SAP30L: variants seen among roughly 807,000 people sequenced by gnomAD.
The protein encoded by SAP30L is histone deacetylase complex subunit SAP30L.
In SAP30L, 10 loss-of-function variants were observed where a neutral mutation model predicts 22.3. The ratio of observed to expected loss-of-function variants is 0.45; its 90% CI spans 0.28 to 0.76. The LOEUF (loss-of-function observed/expected upper bound fraction) is 0.76. Among genes scored for constraint, SAP30L ranks in the 30% least tolerant of loss-of-function variants. The pLI is 0.14. For missense variants in SAP30L, 206 were observed against 237.9 expected (o/e 0.87, Z 0.88); for synonymous variants, 91 against 94.1 (o/e 0.97, Z 0.19).
intron 3 of SAP30L, among the ~76,000 whole-genome samples, chr5:154,454,652 A>T (rs189910404): frequency 1.3e-5 from 2 of 152,304 alleles, no homozygotes; most frequent in East Asian, 3.9e-4. Flanking sequence ...TGTCCAGATG[A>T]CACACAGGAG....
At position 154,457,535 on chromosome 5, in the gene SAP30L, A is replaced by G. The variant is rs1379975782; in HGVS notation, c.*1507A>G. 6.6e-6 allele frequency: 1 copy of G among 152,210 alleles called. No homozygotes were observed. The highest frequency in any genetic ancestry group is 1.5e-5 in the Non-Finnish European group (1 of 68,042). 9.4% of individuals were successfully genotyped at this position (152,210 alleles called of 1,614,324 possible). On this transcript the variant is annotated 3_prime_UTR_variant, in exon 4 of 4. Coordinates refer to ENST00000297109, the MANE Select transcript of SAP30L (RefSeq NM_024632.6). ...CAGAGAAGTCAGGACTAAACCCCCT[A>G]CTGAGCAGGGCGGCGGAGTGTCCAA...
In SAP30L at chr5:154,456,955, A is replaced by C. The variant is rs1203859683; in HGVS notation, c.*927A>C. 1 of 152,200 alleles carries C rather than the reference A, an allele frequency of 6.6e-6. No homozygotes were observed. The highest frequency in any genetic ancestry group is 1.5e-5 in the Non-Finnish European group (1 of 68,036). 9.4% of individuals were successfully genotyped at this position (152,200 alleles called of 1,614,324 possible). On this transcript the variant is annotated 3_prime_UTR_variant, in exon 4 of 4. Transcript: ENST00000297109. ...AAGTATTTTTAGAAGTTTTCATCCTAAGTTCACAACCACCATGCAAGCTGC... is the reference window on the plus strand; with the variant it reads ...AAGTATTTTTAGAAGTTTTCATCCTCAGTTCACAACCACCATGCAAGCTGC...
rs1338536846 is a variant in SAP30L at position 154,456,589 on chromosome 5, CT to C, written c.*562del. The C allele has an allele frequency of 6.5e-6, 1 of 152,678 alleles. No homozygotes were observed. Among genetic ancestry groups the C allele is most frequent in the African/African-American group, 2.4e-5 (1 of 41,456 alleles). 9.5% of individuals were successfully genotyped at this position (152,678 alleles called of 1,614,324 possible). ...AATCAGTAGGTATTGGCTAATTGAG[CT>C]GTCACTAATAGTGCCAGCCTTGTAA... On this transcript the variant is annotated 3_prime_UTR_variant, in exon 4 of 4. Transcript: ENST00000297109.
intron 3 of SAP30L, among the ~76,000 whole-genome samples, chr5:154,455,428 C>T (rs1027094898): frequency 2.0e-5 from 3 of 152,130 alleles, no homozygotes; most frequent in East Asian, 1.9e-4. Context: ...AGGCTGGTCT[C>T]GAACTCCTGG....
chr5:154,453,434 A>G lies in SAP30L; in HGVS notation c.357A>G (p.Leu119=). ...VDLFQLQVNT[L]RRYKRHYKLQ... is the part of the protein sequence containing the mutation. ...TGTTCCAGCTGCAGGTGAACACCCT[A>G]CGACGTTATAAACGACACTACAAGT... is the stretch of plus-strand genomic sequence containing the variant. The change falls in exon 3 of 4, where the codon CTA becomes CTG. Residue 119 remains leucine (L), a synonymous_variant. Transcript: ENST00000297109. 6.2e-7 allele frequency: 1 copy of G among 1,614,086 alleles called. No individual in the cohort carries two copies. The highest frequency in any genetic ancestry group is 8.5e-7 in the Non-Finnish European group (1 of 1,179,968).
intron 1 of SAP30L, among the ~76,000 whole-genome samples, chr5:154,447,559 A>G (rs926620784): frequency 2.6e-5 from 4 of 152,208 alleles, no homozygotes; most frequent in Non-Finnish European, 5.9e-5. Flanking sequence ...TTGTCAACCA[A>G]TTAAGAACTT....
In SAP30L at chr5:154,459,879, G is replaced by A. The variant is rs1042733851; in HGVS notation, c.*3851G>A. On this transcript the variant is annotated 3_prime_UTR_variant, in exon 4 of 4. Transcript: ENST00000297109. ...TTTTGCTGAGAAAACAACGCTTCAG[G>A]ACTTAAGGTCTAAGCGTCAGAGAAG... is the stretch of plus-strand genomic sequence containing the variant. 17 of 152,178 alleles carry A rather than the reference G, an allele frequency of 1.1e-4. No individual in the cohort carries two copies. The highest frequency in any genetic ancestry group is 3.9e-4 in the African/African-American group (16 of 41,440). The allele number at this position is 152,178 out of a possible 1,614,324, so 9.4% of individuals were successfully genotyped here.
Position 154,456,788 on chromosome 5 carries a change from T to C in SAP30L, c.*760T>C, listed in dbSNP as rs1164205287. 3.3e-5 allele frequency: 5 copies of C among 152,262 alleles called. No homozygotes were observed. Among genetic ancestry groups the C allele is most frequent in the African/African-American group, 4.8e-5 (2 of 41,472 alleles). The allele number at this position is 152,262 out of a possible 1,614,324, so 9.4% of individuals were successfully genotyped here. A position where few individuals can be genotyped will look rare whatever the true frequency, so the allele number is the denominator to read the frequency against. ...TTCGTTGAGGTTCCAGAAACACTGA[T>C]ATAGAGACCCTCACAGAAGATACGG... is the stretch of plus-strand genomic sequence containing the variant. On this transcript the variant is annotated 3_prime_UTR_variant, in exon 4 of 4. Transcript: ENST00000297109.
chr5:154,449,206 GATCTGTTAAAATACTA>G (rs2113269397), intron 1 of SAP30L, among the ~76,000 whole-genome samples: 1 of 152,248 alleles, frequency 6.6e-6, no homozygotes, highest in Non-Finnish European at 1.5e-5. Flanking sequence ...AGTGTTCTGT[GATCTGTTAAAATACTA>G]ATATACCTCC....
At chr5:154,451,289 C>CT in intron 2 of SAP30L, 76 bp downstream of exon 2, 1 of 1,485,606 alleles carries the variant, frequency 6.7e-7, no homozygotes, top group Admixed American at 2.2e-5. Flanking sequence ...GCCTGGTCTG[C>CT]TTTTTGTGTT....
chr5:154,455,937 A>G lies in SAP30L; in HGVS notation c.461A>G (p.Glu154Gly). ...SRHFRNIPVN[E>G]KETLAYFIYM... The stretch of plus-strand genomic sequence containing the variant: ...CACTTCAGGAACATACCTGTGAATG[A>G]AAAAGAGACCCTTGCCTACTTCATC... The change falls in exon 4 of 4, where the codon GAA becomes GGA. Residue 154 changes from glutamate to glycine, a missense_variant. By Grantham distance (98) the Glu-to-Gly change is moderately conservative (BLOSUM62 -2). This residue lies in a region of SAP30L where 136 missense variants were observed against 187.4 expected (regional missense o/e 0.73). Coordinates refer to ENST00000297109, the MANE Select transcript of SAP30L (RefSeq NM_024632.6). 6.2e-7 allele frequency: 1 copy of G among 1,614,024 alleles called. No homozygotes were observed. Among genetic ancestry groups the G allele is most frequent in the Non-Finnish European group, 8.5e-7 (1 of 1,179,956 alleles).
At chr5:154,455,848 C>T (rs751695557) in intron 3 of SAP30L, 52 bp from the exon 4 acceptor site, 32 of 1,553,232 alleles carry the variant, frequency 2.1e-5, no homozygotes, top group Non-Finnish European at 2.3e-5. Context: ...GTAGAATTTG[C>T]GGTGTGATTT....
rs1175395761 is a variant in SAP30L, at chr5:154,459,967, G to C, written c.*3939G>C. The C allele has an allele frequency of 6.6e-6, 1 of 152,182 alleles. No homozygotes were observed. Among genetic ancestry groups the C allele is most frequent in the Non-Finnish European group, 1.5e-5 (1 of 68,042 alleles). 9.4% of individuals were successfully genotyped at this position (152,182 alleles called of 1,614,324 possible). Reference sequence around the variant, plus strand: ...TGTTGTCCAATCATCCGTTTTTAGAGATGGGGAAACTAAAACTCAAAAAGA... The same window carrying C: ...TGTTGTCCAATCATCCGTTTTTAGACATGGGGAAACTAAAACTCAAAAAGA... On this transcript the variant is annotated 3_prime_UTR_variant, in exon 4 of 4. Coordinates refer to ENST00000297109, the MANE Select transcript of SAP30L (RefSeq NM_024632.6).
rs561250605 is a variant in SAP30L, at chr5:154,460,048, C to G, written c.*4020C>G. 1 of 152,316 alleles carries G rather than the reference C, an allele frequency of 6.6e-6. No individual in the cohort carries two copies. Among genetic ancestry groups the G allele is most frequent in the African/African-American group, 2.4e-5 (1 of 41,568 alleles). The allele number at this position is 152,316 out of a possible 1,614,324, so 9.4% of individuals were successfully genotyped here. A position where few individuals can be genotyped will look rare whatever the true frequency, so the allele number is the denominator to read the frequency against. ...CCAACCTCTGGCCCTCTTGACCTGT[C>G]TAGCATTCTTTCTTTCTGACCTATA... On this transcript the variant is annotated 3_prime_UTR_variant, in exon 4 of 4. Transcript: ENST00000297109.
rs1237813052 is a variant in SAP30L at position 154,446,575 on chromosome 5, C to G, written c.-30C>G. On this transcript the variant is annotated 5_prime_UTR_variant, in exon 1 of 4. Coordinates refer to ENST00000297109, the MANE Select transcript of SAP30L (RefSeq NM_024632.6). Reference sequence around the variant, plus strand: ...CGCGGAGTGGCCTACCGGGGACCCTCCCCCAGAGGGACCGGCCCGGGGCGG... The same window carrying G: ...CGCGGAGTGGCCTACCGGGGACCCTGCCCCAGAGGGACCGGCCCGGGGCGG... 7.0e-7 allele frequency: 1 copy of G among 1,438,218 alleles called. No individual in the cohort carries two copies. The highest frequency in any genetic ancestry group is 2.8e-5 in the Admixed American group (1 of 35,576). 89.1% of individuals were successfully genotyped at this position (1,438,218 alleles called of 1,614,324 possible). A position where few individuals can be genotyped will look rare whatever the true frequency, so the allele number is the denominator to read the frequency against.
chr5:154,449,407 T>C (rs1416496091), intron 1 of SAP30L, among the ~76,000 whole-genome samples: 5 of 152,256 alleles, frequency 3.3e-5, no homozygotes, highest in Admixed American at 2.0e-4. Context: ...AGAAAACGGA[T>C]TGGGGTCAAT....
intron 1 of SAP30L, among the ~76,000 whole-genome samples, chr5:154,449,327 G>A (rs533790494): frequency 1.5e-4 from 23 of 152,278 alleles, no homozygotes; most frequent in Admixed American, 1.3e-3. Context: ...CATGTACTGG[G>A]GGGGCAGAAG....
intron 3 of SAP30L, 63 bp downstream of exon 3, chr5:154,453,563 G>GA: frequency 9.2e-7 from 1 of 1,088,202 alleles, no homozygotes; most frequent in Non-Finnish European, 1.4e-6. Flanking sequence ...TGGTTACCCT[G>GA]ATTCTCCCTT....
At chr5:154,450,633 T>C (rs1209735359) in intron 1 of SAP30L, among the ~76,000 whole-genome samples, 1 of 152,148 alleles carries the variant, frequency 6.6e-6, no homozygotes, top group African/African-American at 2.4e-5. Context: ...TGCCTCACTT[T>C]TTCATTATGC....
Sources: gnomAD v4.1 joint callset for allele counts (sites outside exome capture counted in the v4.1 genomes callset) on GRCh38, gnomAD v4.1.1 for gene constraint, gnomAD v4.1.1 regional missense constraint, MANE v1.5 for transcripts, NCBI Gene and HGNC (gene_info 2026-07-23, HGNC 2026-07-21) for gene names.